Variants in OR51A4 observed in about 807,000 individuals in gnomAD.
The protein encoded by OR51A4 is olfactory receptor family 51 subfamily A member 4.
For synonymous variants in OR51A4, 96 were observed against 141.5 expected (o/e 0.68, Z 2.28); for missense variants, 243 against 364.0 (o/e 0.67, Z 2.70).
chr11:4,944,437 G>T lies in OR51A4; in HGVS notation c.*1722C>A, dbSNP rs11034814. ...AGCAAATTTTTAAAATGCCTAAAAA[G>T]ACCTGGAAGCATATCCTGCATAAAT... On this transcript the variant is annotated 3_prime_UTR_variant, in exon 2 of 2. Transcript: ENST00000641898. The T allele has an allele frequency of 0.15, 23,960 of 160,698 alleles. 1,906 individuals are homozygous for T. The highest frequency in any genetic ancestry group is 0.17 in the South Asian group (982 of 5,724). 10.0% of individuals were successfully genotyped at this position (160,698 alleles called of 1,614,324 possible).
rs1371783950 is a variant in OR51A4 at position 4,945,505 on chromosome 11, A to G, written c.*654T>C. On this transcript the variant is annotated 3_prime_UTR_variant, in exon 2 of 2. Coordinates refer to ENST00000641898, the MANE Select transcript of OR51A4 (RefSeq NM_001005329.2). Reference sequence around the variant, plus strand: ...GAGTTCAAATTTAAAAGAGACACTTACACATTCAATTTGCCTATAGATTAC... The same window carrying G: ...GAGTTCAAATTTAAAAGAGACACTTGCACATTCAATTTGCCTATAGATTAC... 3 of 153,548 alleles carry G rather than the reference A, an allele frequency of 2.0e-5. No individual in the cohort carries two copies. Among genetic ancestry groups the G allele is most frequent in the African/African-American group, 4.8e-5 (2 of 41,476 alleles). The allele number at this position is 153,548 out of a possible 1,614,324, so 9.5% of individuals were successfully genotyped here. A position where few individuals can be genotyped will look rare whatever the true frequency, so the allele number is the denominator to read the frequency against.
In OR51A4 at chr11:4,946,497, A is replaced by C. The variant is rs1438846607; in HGVS notation, c.604T>G (p.Phe202Val). ...SDNRIDVIYG[F>V]FGALCLMVDF... ...ACCATAAGGCAGAGTGCTCCAAAAA[A>C]GCCATAGATAACATCAATTCTGTTG... is the stretch of plus-strand genomic sequence containing the variant. The change falls in exon 2 of 2, where the codon TTT becomes GTT. Residue 202 changes from phenylalanine (F) to valine (V), a missense_variant. Physicochemically the swap from Phe to Val is conservative, Grantham distance 50. Transcript: ENST00000641898. 1.2e-6 allele frequency: 2 copies of C among 1,610,578 alleles called. No homozygotes were observed. Among genetic ancestry groups the C allele is most frequent in the Non-Finnish European group, 1.7e-6 (2 of 1,177,574 alleles).
At chr11:4,947,299 A>G in intron 1 of OR51A4, 137 bp from the exon 2 acceptor site, 1 of 396,962 alleles carries the variant, frequency 2.5e-6, no homozygotes, top group Non-Finnish European at 4.6e-6. Flanking sequence ...AATCTGTCGT[A>G]TAATACATTG....
At chr11:4,947,214 C>T in intron 1 of OR51A4, 52 bp from the exon 2 acceptor site, 2 of 668,948 alleles carry the variant, frequency 3.0e-6, no homozygotes, top group Non-Finnish European at 4.8e-6. Flanking sequence ...CTTCTTTCAG[C>T]TTTCTTTTGA....
Position 4,943,341 on chromosome 11 carries a change from G to A in OR51A4, c.*2818C>T. 1 of 345,014 alleles carries A rather than the reference G, an allele frequency of 2.9e-6. No homozygotes were observed. Among genetic ancestry groups the A allele is most frequent in the South Asian group, 2.4e-5 (1 of 42,030 alleles). The allele number at this position is 345,014 out of a possible 1,614,324, so 21.4% of individuals were successfully genotyped here. On this transcript the variant is annotated 3_prime_UTR_variant, in exon 2 of 2. Coordinates refer to ENST00000641898, the MANE Select transcript of OR51A4 (RefSeq NM_001005329.2). ...AACATCTCTCAAGTGAAGTCTTTCA[G>A]TTTTCTCAGTTTTTCACTGGTTTCC...
Position 4,943,181 on chromosome 11 carries a change from C to A in OR51A4, c.*2978G>T. 1 of 184,670 alleles carries A rather than the reference C, an allele frequency of 5.4e-6. No individual in the cohort carries two copies. The highest frequency in any genetic ancestry group is 5.9e-5 in the Admixed American group (1 of 16,880). The allele number at this position is 184,670 out of a possible 1,614,324, so 11.4% of individuals were successfully genotyped here. On this transcript the variant is annotated 3_prime_UTR_variant, in exon 2 of 2. Coordinates refer to ENST00000641898, the MANE Select transcript of OR51A4 (RefSeq NM_001005329.2). ...AAATGACCAATGTCCAATAGAAAAA[C>A]AAAATGAAACACAGCGAAACAATAA...
chr11:4,945,740 G>T lies in OR51A4; in HGVS notation c.*419C>A. ...ATGTATCCCAATATGGAATATAAAT[G>T]ATTAAATTAAAAAAATGGTTGTATT... On this transcript the variant is annotated 3_prime_UTR_variant, in exon 2 of 2. Coordinates refer to ENST00000641898, the MANE Select transcript of OR51A4 (RefSeq NM_001005329.2). 4.3e-6 allele frequency: 1 copy of T among 231,054 alleles called. No homozygotes were observed. The highest frequency in any genetic ancestry group is 8.5e-6 in the Non-Finnish European group (1 of 118,004). The allele number at this position is 231,054 out of a possible 1,614,324, so 14.3% of individuals were successfully genotyped here.
chr11:4,947,410 A>G (rs76057693), intron 1 of OR51A4, 135 bp downstream of exon 1: 1 of 227,032 alleles, frequency 4.4e-6, no homozygotes, highest in African/African-American at 2.4e-5. Flanking sequence ...AAATATTAGT[A>G]AACGCTGGTC....
rs112090830 is a variant in OR51A4, at chr11:4,947,533, C to T, written c.-63+12G>A. On this transcript the variant is annotated intron_variant, in intron 1 of 1. Transcript: ENST00000641898. ...ATGAAAGCTAAATAAATGAGAATACCTGGGTACTTACCAGTAAGTGGATAT... is the reference window on the plus strand; with the variant it reads ...ATGAAAGCTAAATAAATGAGAATACTTGGGTACTTACCAGTAAGTGGATAT... The T allele has an allele frequency of 0.028, 3,850 of 135,612 alleles. 1,012 individuals are homozygous for T. Among genetic ancestry groups the T allele is most frequent in the Middle Eastern group, 0.053 (14 of 264 alleles). The allele number at this position is 135,612 out of a possible 1,614,324, so 8.4% of individuals were successfully genotyped here.
At position 4,943,788 on chromosome 11, in the gene OR51A4, A is replaced by G. The variant is rs1349511266; in HGVS notation, c.*2371T>C. 7.2e-6 allele frequency: 3 copies of G among 416,572 alleles called. No individual in the cohort carries two copies. The highest frequency in any genetic ancestry group is 4.2e-5 in the African/African-American group (2 of 48,134). The allele number at this position is 416,572 out of a possible 1,614,324, so 25.8% of individuals were successfully genotyped here. A position where few individuals can be genotyped will look rare whatever the true frequency, so the allele number is the denominator to read the frequency against. On this transcript the variant is annotated 3_prime_UTR_variant, in exon 2 of 2. Transcript: ENST00000641898. Reference sequence around the variant, plus strand: ...ATATGTGAAAATCATTATGCTGACCATAAATCTTCACCTCCCCCATTGAGA... The same window carrying G: ...ATATGTGAAAATCATTATGCTGACCGTAAATCTTCACCTCCCCCATTGAGA...
chr11:4,946,290 G>A lies in OR51A4; in HGVS notation c.811C>T (p.Pro271Ser). 1 of 1,613,926 alleles carries A rather than the reference G, an allele frequency of 6.2e-7. No individual in the cohort carries two copies. Among genetic ancestry groups the A allele is most frequent in the Non-Finnish European group, 8.5e-7 (1 of 1,179,966 alleles). Residue 271 changes from proline to serine, a missense_variant, in exon 2 of 2, where the codon CCC (proline) becomes TCC (serine). Coordinates refer to ENST00000641898, the MANE Select transcript of OR51A4 (RefSeq NM_001005329.2). ...TTTGCCATGAGAACATTAATGAGGG[G>A]AGAGACATGCCGGGCAAAGCGGTGG... is the stretch of plus-strand genomic sequence containing the variant. ...VVHRFARHVS[P>S]LINVLMANVL...
rs946319924 is a variant in OR51A4, at chr11:4,945,189, A to C, written c.*970T>G. ...CGCAATGGAAGAGATAAAAGAGAAG[A>C]TCATAATACAAACTAGGGCTAGGTA... On this transcript the variant is annotated 3_prime_UTR_variant, in exon 2 of 2. Coordinates refer to ENST00000641898, the MANE Select transcript of OR51A4 (RefSeq NM_001005329.2). The C allele has an allele frequency of 5.9e-5, 9 of 152,294 alleles. No homozygotes were observed. Among genetic ancestry groups the C allele is most frequent in the South Asian group, 2.1e-4 (1 of 4,832 alleles). 9.4% of individuals were successfully genotyped at this position (152,294 alleles called of 1,614,324 possible).
Position 4,947,492 on chromosome 11 carries a change from C to T in OR51A4, c.-63+53G>A, listed in dbSNP as rs1846330307. On this transcript the variant is annotated intron_variant, in intron 1 of 1. Coordinates refer to ENST00000641898, the MANE Select transcript of OR51A4 (RefSeq NM_001005329.2). ...CCTTCAGTTCTATGTGATTAATTGC[C>T]AGTAATAATAGTCAAATGAAAGCTA... The T allele has an allele frequency of 6.2e-5, 9 of 145,156 alleles. 1 individual carries two copies. The South Asian group carries it at 1.5e-3, about 24-fold the overall frequency. The allele number at this position is 145,156 out of a possible 1,614,324, so 9.0% of individuals were successfully genotyped here. A position where few individuals can be genotyped will look rare whatever the true frequency, so the allele number is the denominator to read the frequency against.
chr11:4,943,386 G>A lies in OR51A4; in HGVS notation c.*2773C>T, dbSNP rs1354437145. 1 of 402,572 alleles carries A rather than the reference G, an allele frequency of 2.5e-6. No individual in the cohort carries two copies. The highest frequency in any genetic ancestry group is 5.0e-6 in the Non-Finnish European group (1 of 200,654). The allele number at this position is 402,572 out of a possible 1,614,324, so 24.9% of individuals were successfully genotyped here. On this transcript the variant is annotated 3_prime_UTR_variant, in exon 2 of 2. Transcript: ENST00000641898. ...GTTTCCTTTCTGAGGAACTTCTCTG[G>A]TATCAGATTGCCCCTAGGTGCTGTG...
rs775979840 is a variant in OR51A4 at position 4,946,843 on chromosome 11, G to C, written c.258C>G (p.Ile86Met). 6.3e-7 allele frequency: 1 copy of C among 1,589,292 alleles called. No individual in the cohort carries two copies. The highest frequency in any genetic ancestry group is 1.7e-5 in the Admixed American group (1 of 59,258). The change falls in exon 2 of 2, where the codon ATC becomes ATG. Residue 86 changes from isoleucine to methionine, a missense_variant. By Grantham distance (10) the Ile-to-Met change is conservative. Coordinates refer to ENST00000641898, the MANE Select transcript of OR51A4 (RefSeq NM_001005329.2). Reference sequence around the variant, plus strand: ...AAATTTCAGGAGCATTGAACAGGAAGATGCTTAACACAGTGGGCAGAGATG... The same window carrying C: ...AAATTTCAGGAGCATTGAACAGGAACATGCTTAACACAGTGGGCAGAGATG... Reference protein sequence around the residue: ...SLSSLPTVLSIFLFNAPEISS... With the variant: ...SLSSLPTVLSMFLFNAPEISS...
At position 4,944,195 on chromosome 11, in the gene OR51A4, A is replaced by T; in HGVS notation, c.*1964T>A. 1 of 420,610 alleles carries T rather than the reference A, an allele frequency of 2.4e-6. No individual in the cohort carries two copies. The highest frequency in any genetic ancestry group is 1.7e-5 in the South Asian group (1 of 57,604). The allele number at this position is 420,610 out of a possible 1,614,324, so 26.1% of individuals were successfully genotyped here. On this transcript the variant is annotated 3_prime_UTR_variant, in exon 2 of 2. Coordinates refer to ENST00000641898, the MANE Select transcript of OR51A4 (RefSeq NM_001005329.2). Reference sequence around the variant, plus strand: ...CTGATCTGATGATAGGATTTTCTACACTAGGATAGGTTTGTGAAAACATAC... The same window carrying T: ...CTGATCTGATGATAGGATTTTCTACTCTAGGATAGGTTTGTGAAAACATAC...
At position 4,943,286 on chromosome 11, in the gene OR51A4, A is replaced by G. The variant is rs565992285; in HGVS notation, c.*2873T>C. ...TTACATCCTTTGCATTCATCTTTGTACACTTTCATGTGTGATTAATAAGTC... is the reference window on the plus strand; with the variant it reads ...TTACATCCTTTGCATTCATCTTTGTGCACTTTCATGTGTGATTAATAAGTC... On this transcript the variant is annotated 3_prime_UTR_variant, in exon 2 of 2. Coordinates refer to ENST00000641898, the MANE Select transcript of OR51A4 (RefSeq NM_001005329.2). 3.7e-6 allele frequency: 1 copy of G among 271,078 alleles called. No individual in the cohort carries two copies. The highest frequency in any genetic ancestry group is 9.3e-5 in the East Asian group (1 of 10,794). The allele number at this position is 271,078 out of a possible 1,614,324, so 16.8% of individuals were successfully genotyped here. A position where few individuals can be genotyped will look rare whatever the true frequency, so the allele number is the denominator to read the frequency against.
rs1426325252 is a variant in OR51A4, at chr11:4,944,903, C to G, written c.*1256G>C. On this transcript the variant is annotated 3_prime_UTR_variant, in exon 2 of 2. Transcript: ENST00000641898. ...TGAACTCCTCAGTGAACATCTTTTTCAACAAACATGGTCTTATTTTTAAAT... is the reference window on the plus strand; with the variant it reads ...TGAACTCCTCAGTGAACATCTTTTTGAACAAACATGGTCTTATTTTTAAAT... 6.6e-6 allele frequency: 1 copy of G among 151,902 alleles called. No individual in the cohort carries two copies. Among genetic ancestry groups the G allele is most frequent in the African/African-American group, 2.4e-5 (1 of 41,398 alleles). The allele number at this position is 151,902 out of a possible 1,614,324, so 9.4% of individuals were successfully genotyped here.
rs905821488 is a variant in OR51A4, at chr11:4,943,738, A to C, written c.*2421T>G. On this transcript the variant is annotated 3_prime_UTR_variant, in exon 2 of 2. Transcript: ENST00000641898. ...CCCAGAGTTGAGATTTTAATCCTCC[A>C]AAAACTACATTCTTCATTTCAGAAA... The C allele has an allele frequency of 6.7e-5, 24 of 360,588 alleles. No homozygotes were observed. Among genetic ancestry groups the C allele is most frequent in the Middle Eastern group, 3.8e-4 (1 of 2,628 alleles). 22.3% of individuals were successfully genotyped at this position (360,588 alleles called of 1,614,324 possible).
Sources: gnomAD v4.1 joint callset for allele counts on GRCh38, gnomAD v4.1.1 for gene constraint, MANE v1.5 for transcripts, NCBI Gene and HGNC (gene_info 2026-07-23, HGNC 2026-07-21) for gene names.